MYLK4: variants seen among roughly 807,000 people sequenced by gnomAD.
MYLK4 encodes the protein caMLCK like.
A neutral mutation model predicts 48.1 loss-of-function variants in MYLK4; 46 were observed. The observed-to-expected ratio is 0.96, with a 90% confidence interval of 0.75 to 1.22. The LOEUF (loss-of-function observed/expected upper bound fraction) is 1.22, where lower values mean the gene tolerates loss of function less well. Ranked by LOEUF, MYLK4 falls within the 50% of genes most tolerant of loss-of-function variation. MYLK4 has a pLI of 0.00. For synonymous variants in MYLK4, 170 were observed against 180.8 expected, an observed-to-expected ratio of 0.94 and a Z score of 0.48; for missense variants, 451 against 486.1, an observed-to-expected ratio of 0.93 and a Z score of 0.68.
intron 2 of MYLK4, among the ~76,000 whole-genome samples, chr6:2,715,201 G>A (rs182431751): frequency 5.9e-5 from 9 of 151,500 alleles, no homozygotes; most frequent in South Asian, 2.1e-4. Flanking sequence ...CGGAGGTTGC[G>A]GTAAGCTGAG....
chr6:2,755,453 A>T (rs1341046008), upstream of MYLK4, among the ~76,000 whole-genome samples: 1 of 152,224 alleles, frequency 6.6e-6, no homozygotes, highest in Non-Finnish European at 1.5e-5. Context: ...CACATAACAG[A>T]ATCTACTCAA....
intron 2 of MYLK4, among the ~76,000 whole-genome samples, chr6:2,714,028 AC>A (rs1160328891): frequency 6.6e-6 from 1 of 152,204 alleles, no homozygotes; most frequent in Non-Finnish European, 1.5e-5. Context: ...AAAAATGGGA[AC>A]CCTAGTGCAC....
In MYLK4 at chr6:2,685,853, G is replaced by A. The variant is rs114183131; in HGVS notation, c.342-277C>T. 0.022 allele frequency among the ~76,000 whole-genome samples: 3,364 copies of A among 152,128 alleles called. 69 individuals carry two copies. Among genetic ancestry groups the A allele is most frequent in the Middle Eastern group, 0.044 (13 of 294 alleles). ...TGGGAGGCCGAGGCGGGAGGATCAC[G>A]AGGTCAGGACCAGTCTGGCCAACAT... is the stretch of plus-strand genomic sequence containing the variant. On this transcript the variant is annotated intron_variant, in intron 4 of 12. Coordinates refer to ENST00000274643, the MANE Select transcript of MYLK4 (RefSeq NM_001012418.5). This position sits in a 1 kb window ranked among gnomAD's most constrained non-coding sequence, Gnocchi z 4.5.
At chr6:2,674,315 G>A (rs988998249) in intron 11 of MYLK4, among the ~76,000 whole-genome samples, 9 of 152,130 alleles carry the variant, frequency 5.9e-5, no homozygotes, top group African/African-American at 2.2e-4. Context: ...TTAAGATTTG[G>A]TGCCCAGAGC....
intron 2 of MYLK4, chr6:2,744,131 C>T: frequency 6.6e-6 from 2 of 305,270 alleles, no homozygotes; most frequent in Non-Finnish European, 1.1e-5. Flanking sequence ...ACCCTTTGCT[C>T]TGCCCTGAGG....
intron 2 of MYLK4, among the ~76,000 whole-genome samples, chr6:2,746,843 C>T (rs908942493): frequency 6.6e-6 from 1 of 152,228 alleles, no homozygotes; most frequent in African/African-American, 2.4e-5. Flanking sequence ...TGTCTGCATA[C>T]CTGAAGACAT....
chr6:2,683,389 TTTTGTG>T (rs1478233910), intron 6 of MYLK4, among the ~76,000 whole-genome samples: 1 of 102,030 alleles, frequency 9.8e-6, no homozygotes, highest in African/African-American at 4.0e-5. Context: ...CTCCCCACCT[TTTTGTG>T]TGTGTGTGTG....
rs1761863702 is a variant in MYLK4, at chr6:2,692,848, C to T, written c.171G>A (p.Val57=). 1.2e-6 allele frequency: 2 copies of T among 1,613,088 alleles called. No individual in the cohort carries two copies. The highest frequency in any genetic ancestry group is 2.2e-5 in the South Asian group (2 of 90,756). ...TTTCCGTCAGGTCGGCGTTTGACCA[C>T]ACCTCCTTCGCCTGTGGAGGCACAA... ...SRSGHNEAKE[V]WSNADLTERM... is the part of the protein sequence containing the mutation. The change falls in exon 3 of 13, where the codon GTG becomes GTA. Residue 57 remains valine (V), a synonymous_variant. Coordinates refer to ENST00000274643, the MANE Select transcript of MYLK4 (RefSeq NM_001012418.5).
Position 2,685,150 on chromosome 6 carries a change from G to A in MYLK4, c.545+146C>T. 1 of 634,648 alleles carries A rather than the reference G, an allele frequency of 1.6e-6. No individual in the cohort carries two copies. 39.3% of individuals were successfully genotyped at this position (634,648 alleles called of 1,614,324 possible). On this transcript the variant is annotated intron_variant, in intron 6 of 12. Transcript: ENST00000274643. The surrounding 1 kb of genome is among the most constrained non-coding windows in gnomAD (Gnocchi z 4.5). ...CCCCAAGTGTTTCCCTTCTAGAACT[G>A]ATGTGATTGTGTGATCCGCGCGAAT...
chr6:2,768,097 G>C, the MYLK4 span, among the ~76,000 whole-genome samples: 3 of 152,148 alleles, frequency 2.0e-5, no homozygotes, highest in Non-Finnish European at 2.9e-5. Flanking sequence ...GGTCTCCTTG[G>C]TTTTCTAGTA....
At chr6:2,716,206 A>G (rs1347364924) in intron 2 of MYLK4, among the ~76,000 whole-genome samples, 1 of 152,226 alleles carries the variant, frequency 6.6e-6, no homozygotes, top group African/African-American at 2.4e-5. Context: ...TGTGGTCAGG[A>G]CAACTATTTT....
chr6:2,695,398 C>T (rs73350426), intron 2 of MYLK4, among the ~76,000 whole-genome samples: 4,273 of 152,254 alleles, frequency 0.028, 183 homozygotes, highest in African/African-American at 0.097. Flanking sequence ...GATAGATCCA[C>T]GTTTGCCCCT....
the MYLK4 span, chr6:2,765,669 A>T: frequency 6.4e-7 from 1 of 1,552,470 alleles, no homozygotes; most frequent in Non-Finnish European, 8.6e-7. Flanking sequence ...TCGCAGCTGC[A>T]CCAGGTGCAG....
chr6:2,747,133 G>A (rs116007786), intron 2 of MYLK4, among the ~76,000 whole-genome samples: 2,265 of 152,298 alleles, frequency 0.015, 25 homozygotes, highest in Middle Eastern at 0.034. Context: ...ACTGCAGGAC[G>A]GAAGCCAGGA....
chr6:2,766,062 C>G, the MYLK4 span: 1 of 1,294,544 alleles, frequency 7.7e-7, no homozygotes, highest in East Asian at 3.1e-5. Flanking sequence ...GCGGCCGCCG[C>G]CGCGGCGGGG....
At chr6:2,707,938 ATT>A (rs1346477013) in intron 2 of MYLK4, among the ~76,000 whole-genome samples, 1 of 152,132 alleles carries the variant, frequency 6.6e-6, no homozygotes, top group Admixed American at 6.6e-5. Flanking sequence ...TAAGCATCAT[ATT>A]TTTATTAAAA....
intron 2 of MYLK4, among the ~76,000 whole-genome samples, chr6:2,742,469 A>T (rs1763929005): frequency 6.6e-6 from 1 of 151,636 alleles, no homozygotes; most frequent in Non-Finnish European, 1.5e-5. Context: ...GAACCAACCC[A>T]AATGTCCAAC....
At chr6:2,702,113 C>T (rs1350199724) in intron 2 of MYLK4, among the ~76,000 whole-genome samples, 1 of 152,154 alleles carries the variant, frequency 6.6e-6, no homozygotes, top group African/African-American at 2.4e-5. Flanking sequence ...GTGGAACATC[C>T]GTGAGCTGCT....
At position 2,685,728 on chromosome 6, in the gene MYLK4, CATGTGGTG is replaced by C. The variant is rs1761514611; in HGVS notation, c.342-160_342-153del. On this transcript the variant is annotated intron_variant, in intron 4 of 12. Transcript: ENST00000274643. This position sits in a 1 kb window ranked among gnomAD's most constrained non-coding sequence, Gnocchi z 4.5. ...AAACTTCTAGAGCAGTATTTGTCAACATGTGGTGTGTGGATCACTTGCATCAGAATCAC... is the reference window on the plus strand; with the variant it reads ...AAACTTCTAGAGCAGTATTTGTCAACTGTGGATCACTTGCATCAGAATCAC... 1.5e-6 allele frequency: 1 copy of C among 656,574 alleles called. No homozygotes were observed. Among genetic ancestry groups the C allele is most frequent in the Non-Finnish European group, 2.6e-6 (1 of 381,502 alleles). 40.7% of individuals were successfully genotyped at this position (656,574 alleles called of 1,614,324 possible). A position where few individuals can be genotyped will look rare whatever the true frequency, so the allele number is the denominator to read the frequency against.
Sources: gnomAD v4.1 joint callset for allele counts (sites outside exome capture counted in the v4.1 genomes callset) on GRCh38, gnomAD v4.1.1 for gene constraint, Gnocchi (gnomAD v3.1) non-coding constraint, MANE v1.5 for transcripts, NCBI Gene and HGNC (gene_info 2026-07-23, HGNC 2026-07-21) for gene names.